The following PXDNL variants were observed in gnomAD, a reference collection of about 807,000 sequenced individuals.
PXDNL encodes peroxidasin like.
PXDNL carries 145 observed loss-of-function variants against 150.8 expected under a neutral mutation model. The observed-to-expected ratio is 0.96, with a 90% CI of 0.84 to 1.10. PXDNL has a LOEUF of 1.10. PXDNL is among the 50% of genes least tolerant of loss of function. The pLI, the probability that PXDNL is intolerant of heterozygous loss-of-function variation, is 0.00. For missense variants in PXDNL, 2,087 were observed against 1,873.9 expected (o/e 1.11, Z -2.10); for synonymous variants, 757 against 725.7 (o/e 1.04, Z -0.69).
intron 1 of PXDNL, among the ~76,000 whole-genome samples, chr8:51,777,470 A>G (rs979053666): frequency 6.6e-6 from 1 of 152,226 alleles, no homozygotes; most frequent in Non-Finnish European, 1.5e-5. Flanking sequence ...TATCAAAATC[A>G]GCCATTCACA....
chr8:51,648,356 C>T (rs1314297983), intron 2 of PXDNL, among the ~76,000 whole-genome samples: 1 of 152,116 alleles, frequency 6.6e-6, no homozygotes, highest in Non-Finnish European at 1.5e-5. Context: ...CACAACTATC[C>T]CTGTAAAAGA....
rs138887554 is a variant in PXDNL at position 51,611,387 on chromosome 8, G to A, written c.237-18689C>T. Among the ~76,000 whole-genome samples the A allele has an allele frequency of 1.6e-4, 25 of 152,300 alleles. No homozygotes were observed. In the East Asian group the frequency reaches 4.4e-3, roughly 27 times the overall value. On this transcript the variant is annotated intron_variant, in intron 2 of 22. Coordinates refer to ENST00000356297, the MANE Select transcript of PXDNL (RefSeq NM_144651.5). ...GGTTAGTTTTTTAAGTGGGATGGTA[G>A]TTACACGAGTGTTTATTATATTGTT...
At chr8:51,808,343 T>G (rs2037700308) in intron 1 of PXDNL, among the ~76,000 whole-genome samples, 2 of 151,864 alleles carry the variant, frequency 1.3e-5, no homozygotes, top group Admixed American at 6.5e-5. Flanking sequence ...TTTTCTTCTT[T>G]TATTTTTTCT....
chr8:51,681,800 G>T (rs770797501), intron 1 of PXDNL, among the ~76,000 whole-genome samples: 1 of 152,124 alleles, frequency 6.6e-6, no homozygotes, highest in Non-Finnish European at 1.5e-5. Flanking sequence ...GTAGCACATG[G>T]TCTGCACACA....
At chr8:51,699,460 G>A (rs1303648307) in intron 1 of PXDNL, among the ~76,000 whole-genome samples, 1 of 152,204 alleles carries the variant, frequency 6.6e-6, no homozygotes, top group East Asian at 1.9e-4. Context: ...TGGCTTAAGG[G>A]AATGTTGTGG....
Position 51,459,555 on chromosome 8 carries a change from T to C in PXDNL, c.813-1888A>G, listed in dbSNP as rs1810017128. Among the ~76,000 whole-genome samples, 6 of 152,214 alleles carry C rather than the reference T, an allele frequency of 3.9e-5. No individual in the cohort carries two copies. In the South Asian group the frequency reaches 8.3e-4, roughly 21 times the overall value. ...AACAGGCAGTAGCACATCACACCCA[T>C]AAATTCAAAATGCATCATTCCTTTT... On this transcript the variant is annotated intron_variant, in intron 8 of 22. Coordinates refer to ENST00000356297, the MANE Select transcript of PXDNL (RefSeq NM_144651.5).
intron 21 of PXDNL, among the ~76,000 whole-genome samples, chr8:51,338,816 A>G (rs138003525): frequency 6.6e-6 from 1 of 152,250 alleles, no homozygotes; most frequent in Non-Finnish European, 1.5e-5. Flanking sequence ...AAAATAAGCA[A>G]AAGTATAGCG....
At chr8:51,368,436 T>C (rs889653489) in intron 19 of PXDNL, among the ~76,000 whole-genome samples, 2 of 152,138 alleles carry the variant, frequency 1.3e-5, no homozygotes, top group Middle Eastern at 3.2e-3. Flanking sequence ...GAGAAGAGTT[T>C]CTCCAGGATT....
intron 19 of PXDNL, among the ~76,000 whole-genome samples, chr8:51,350,195 G>C (rs566124351): frequency 6.6e-6 from 1 of 152,122 alleles, no homozygotes; most frequent in Admixed American, 6.5e-5. Context: ...TAGGGTCTCT[G>C]GTTTGGGACG....
rs183667603 is a variant in PXDNL at position 51,504,527 on chromosome 8, T to C, written c.381-4757A>G. ...CCTGTTTTCAGATCTTACTGTGCTC[T>C]TTCCTTGGAAAGCCTTCCCTGAGCT... On this transcript the variant is annotated intron_variant, in intron 4 of 22. Coordinates refer to ENST00000356297, the MANE Select transcript of PXDNL (RefSeq NM_144651.5). 2.1e-3 allele frequency among the ~76,000 whole-genome samples: 320 copies of C among 152,316 alleles called. 1 individual carries two copies. Among genetic ancestry groups the C allele is most frequent in the Middle Eastern group, 0.01 (3 of 294 alleles).
At chr8:51,360,295 C>A (rs935574717) in intron 19 of PXDNL, among the ~76,000 whole-genome samples, 3 of 152,032 alleles carry the variant, frequency 2.0e-5, no homozygotes, top group Non-Finnish European at 4.4e-5. Flanking sequence ...ATGCATACAC[C>A]CATACATGTG....
intron 17 of PXDNL, among the ~76,000 whole-genome samples, chr8:51,391,836 T>C (rs1807921066): frequency 6.6e-6 from 1 of 152,212 alleles, no homozygotes. Context: ...TGAATGGTAA[T>C]GCCTAGGTTT....
chr8:51,680,223 G>T, intron 1 of PXDNL, among the ~76,000 whole-genome samples: 1 of 152,320 alleles, frequency 6.6e-6, no homozygotes, highest in South Asian at 2.1e-4. Flanking sequence ...ACCAAAGGCC[G>T]GGTGTCTGTG....
At chr8:51,483,296 G>C (rs1810644856) in intron 6 of PXDNL, among the ~76,000 whole-genome samples, 1 of 152,222 alleles carries the variant, frequency 6.6e-6, no homozygotes, top group African/African-American at 2.4e-5. Flanking sequence ...CGAGGAGTCA[G>C]ACTTTCTTTG....
At position 51,408,490 on chromosome 8, in the gene PXDNL, A is replaced by G; in HGVS notation, c.3134T>C (p.Ile1045Thr). 6 of 1,613,308 alleles carry G rather than the reference A, an allele frequency of 3.7e-6. No individual in the cohort carries two copies. Among genetic ancestry groups the G allele is most frequent in the Non-Finnish European group, 5.1e-6 (6 of 1,179,700 alleles). ...AAAGGCTGCAGTAGCAAAAGAGTTA[A>G]TGATGCCTGCATTCACGTTGGGGTT... ...GYNPNVNAGI[I>T]NSFATAAFRF... The change falls in exon 17 of 23, where the codon ATT (isoleucine) becomes ACT (threonine). Residue 1045 changes from isoleucine to threonine, a missense_variant. By Grantham distance (89) the Ile-to-Thr change is moderately conservative. Coordinates refer to ENST00000356297, the MANE Select transcript of PXDNL (RefSeq NM_144651.5).
chr8:51,353,982 G>A (rs75343755), intron 19 of PXDNL, among the ~76,000 whole-genome samples: 2,591 of 152,182 alleles, frequency 0.017, 86 homozygotes, highest in African/African-American at 0.06. Context: ...TTTTTGGATA[G>A]ATAAAGCAGT....
chr8:51,360,897 T>G (rs1806713070), intron 19 of PXDNL, among the ~76,000 whole-genome samples: 1 of 152,186 alleles, frequency 6.6e-6, no homozygotes, highest in Non-Finnish European at 1.5e-5. Context: ...TGTGCTGGAG[T>G]CTCTGAGCCT....
chr8:51,526,172 G>A (rs1445936406), intron 4 of PXDNL, among the ~76,000 whole-genome samples: 1 of 152,146 alleles, frequency 6.6e-6, no homozygotes, highest in Non-Finnish European at 1.5e-5. Flanking sequence ...ACAGACAGGT[G>A]GACGCATTCT....
At chr8:51,390,222 C>A (rs929986523) in intron 17 of PXDNL, among the ~76,000 whole-genome samples, 32 of 152,294 alleles carry the variant, frequency 2.1e-4, no homozygotes, top group African/African-American at 7.5e-4. Flanking sequence ...TCTTTAAAAA[C>A]ATTCTAAACT....
Sources: gnomAD v4.1 joint callset for allele counts (sites outside exome capture counted in the v4.1 genomes callset) on GRCh38, gnomAD v4.1.1 for gene constraint, MANE v1.5 for transcripts, NCBI Gene and HGNC (gene_info 2026-07-23, HGNC 2026-07-21) for gene names.